SRGAP2B: variants seen among roughly 807,000 people sequenced by gnomAD.
The protein encoded by SRGAP2B is SLIT-ROBO Rho GTPase-activating protein 2B.
A neutral mutation model predicts 22.2 loss-of-function variants in SRGAP2B; 9 were observed. The ratio of observed to expected loss-of-function variants is 0.41; its 90% CI spans 0.24 to 0.71. SRGAP2B has a LOEUF of 0.71. Among genes scored for constraint, SRGAP2B ranks in the 30% least tolerant of loss-of-function variants. The probability of loss-of-function intolerance (pLI) is 0.35; values close to 1 mark genes in which losing one functional copy is unlikely to be tolerated. For synonymous variants in SRGAP2B, 36 were observed against 87.4 expected (o/e 0.41, Z 3.28); for missense variants, 114 against 235.8 (o/e 0.48, Z 3.38).
Position 144,894,014 on chromosome 1 carries a change from C to T in SRGAP2B, c.1054-505G>A, listed in dbSNP as rs1662248662. Among the ~76,000 whole-genome samples, 2 of 145,136 alleles carry T rather than the reference C, an allele frequency of 1.4e-5. 1 individual carries two copies. Among genetic ancestry groups the T allele is most frequent in the African/African-American group, 5.6e-5 (2 of 35,862 alleles). On this transcript the variant is annotated intron_variant, in intron 8 of 9. Transcript: ENST00000612199. ...TTGATTCAATGAGAAAGCGTGAAGC[C>T]AGGAACAAGTTCGTTGCCTATGCTT...
At position 145,076,161 on chromosome 1, in the gene SRGAP2B, A is replaced by G. The variant is rs1365403387; in HGVS notation, c.67+16674T>C. Reference sequence around the variant, plus strand: ...GCAAAACCTACTTTTCTATCTTCTAATGTACAATCTTGCCATTACAAAAAA... The same window carrying G: ...GCAAAACCTACTTTTCTATCTTCTAGTGTACAATCTTGCCATTACAAAAAA... On this transcript the variant is annotated intron_variant, in intron 2 of 9. Coordinates refer to ENST00000612199, the Ensembl canonical transcript of SRGAP2B. 5.3e-5 allele frequency among the ~76,000 whole-genome samples: 8 copies of G among 150,232 alleles called. 1 individual carries two copies. Among genetic ancestry groups the G allele is most frequent in the Admixed American group, 2.0e-4 (3 of 15,118 alleles).
At chr1:145,012,828 T>TAA (rs1462124661) in intron 2 of SRGAP2B, among the ~76,000 whole-genome samples, 3 of 144,672 alleles carry the variant, frequency 2.1e-5, no homozygotes, top group Admixed American at 1.4e-4. Context: ...CTCACACCTG[T>TAA]AATCCCAGTA....
intron 3 of SRGAP2B, among the ~76,000 whole-genome samples, chr1:144,984,235 G>A (rs1417459303): frequency 1.3e-5 from 2 of 149,996 alleles, no homozygotes; most frequent in Non-Finnish European, 2.9e-5. Context: ...CAAGAGAATA[G>A]CTTGAACCTG....
intron 4 of SRGAP2B, among the ~76,000 whole-genome samples, chr1:144,952,109 G>GTGGTA (rs1357702525): frequency 2.5e-5 from 1 of 40,030 alleles, no homozygotes; most frequent in Middle Eastern, 7.4e-3. Flanking sequence ...TCACAGAACA[G>GTGGTA]TGGTATCCTG....
intron 2 of SRGAP2B, among the ~76,000 whole-genome samples, chr1:145,010,591 GTTTTC>G (rs1299647106): frequency 3.4e-5 from 5 of 146,586 alleles, no homozygotes; most frequent in East Asian, 4.0e-4. Flanking sequence ...TTTCATTTCA[GTTTTC>G]TTTTCTTCTG....
At chr1:145,020,636 T>G (rs1451960157) in intron 2 of SRGAP2B, among the ~76,000 whole-genome samples, 1 of 148,160 alleles carries the variant, frequency 6.7e-6, no homozygotes, top group Non-Finnish European at 1.5e-5. Flanking sequence ...TTTATTGTAT[T>G]GACTGAAATA....
At chr1:144,992,339 T>C (rs1374145930) in intron 3 of SRGAP2B, among the ~76,000 whole-genome samples, 2 of 151,086 alleles carry the variant, frequency 1.3e-5, no homozygotes, top group Non-Finnish European at 2.9e-5. Context: ...GGACACAAGA[T>C]GACTTGGAGA....
intron 3 of SRGAP2B, among the ~76,000 whole-genome samples, chr1:144,984,375 A>AAAT (rs1669564626): frequency 2.0e-5 from 3 of 149,108 alleles, no homozygotes; most frequent in Non-Finnish European, 4.4e-5. Context: ...CAAAAAAAAA[A>AAAT]AAACAAAAAA....
At chr1:144,998,657 A>C (rs1286282201) in intron 2 of SRGAP2B, among the ~76,000 whole-genome samples, 1 of 150,914 alleles carries the variant, frequency 6.6e-6, no homozygotes, top group Non-Finnish European at 1.5e-5. Context: ...TGAAGAAGGA[A>C]AAAGAAGAAA....
intron 4 of SRGAP2B, among the ~76,000 whole-genome samples, chr1:144,924,601 G>A (rs1199502695): frequency 6.0e-5 from 9 of 151,254 alleles, no homozygotes; most frequent in East Asian, 1.9e-4. Context: ...GCGTAGTGGC[G>A]GGCGCCTGTA....
rs781960860 is a variant in SRGAP2B at position 144,971,421 on chromosome 1, G to A, written c.261-15820C>T. On this transcript the variant is annotated intron_variant, in intron 3 of 9. Transcript: ENST00000612199. ...GCTGGGATTACAGGTGTGAACCACC[G>A]CACCCGGCCCATACTTTTTTTTTGC... Among the ~76,000 whole-genome samples, 73 of 150,238 alleles carry A rather than the reference G, an allele frequency of 4.9e-4. 1 individual carries two copies. The highest frequency in any genetic ancestry group is 8.0e-4 in the Non-Finnish European group (54 of 67,888).
chr1:145,020,948 C>A (rs1471253203), intron 2 of SRGAP2B, among the ~76,000 whole-genome samples: 1 of 148,724 alleles, frequency 6.7e-6, no homozygotes, highest in Admixed American at 6.6e-5. Flanking sequence ...TACAAGCGTG[C>A]GCCACCATGC....
intron 3 of SRGAP2B, among the ~76,000 whole-genome samples, chr1:144,966,204 T>A (rs1412303893): frequency 6.8e-6 from 1 of 148,032 alleles, no homozygotes; most frequent in Non-Finnish European, 1.5e-5. Context: ...TTCACCAAAG[T>A]TGAAATGAAG....
At chr1:144,984,319 T>TA (rs1290805926) in intron 3 of SRGAP2B, among the ~76,000 whole-genome samples, 19 of 93,220 alleles carry the variant, frequency 2.0e-4, no homozygotes, top group Admixed American at 2.6e-4. Context: ...AAACTCCATC[T>TA]AAAAAAAAAC....
At chr1:144,955,771 A>C in intron 3 of SRGAP2B, among the ~76,000 whole-genome samples, 170 bp from the exon 4 acceptor site, 1 of 140,892 alleles carries the variant, frequency 7.1e-6, no homozygotes, top group Non-Finnish European at 1.5e-5. Context: ...AACTCAGTGG[A>C]GAAAAAAGGA....
intron 2 of SRGAP2B, among the ~76,000 whole-genome samples, chr1:145,045,296 C>CAAA (rs71259136): frequency 2.4e-5 from 1 of 41,956 alleles, no homozygotes; most frequent in Admixed American, 2.9e-4. Flanking sequence ...GACTCCGCCT[C>CAAA]AAAAAAAAAA....
chr1:145,013,670 T>G (rs1553622615), intron 2 of SRGAP2B, among the ~76,000 whole-genome samples: 1 of 146,222 alleles, frequency 6.8e-6, no homozygotes, highest in African/African-American at 2.6e-5. Flanking sequence ...GACCAAGCAA[T>G]AGACTGTGAA....
At chr1:144,991,172 A>G (rs1247141975) in intron 3 of SRGAP2B, among the ~76,000 whole-genome samples, 3 of 150,834 alleles carry the variant, frequency 2.0e-5, no homozygotes, top group African/African-American at 7.4e-5. Context: ...AAATACACCA[A>G]TCAGCACCCT....
At chr1:145,093,682 T>C (rs1489646265) in intron 1 of SRGAP2B, among the ~76,000 whole-genome samples, 1 of 147,496 alleles carries the variant, frequency 6.8e-6, no homozygotes, top group Non-Finnish European at 1.5e-5. Context: ...GGGCGGGAAC[T>C]GCAGGAACGC....
Sources: allele counts gnomAD v4.1 joint callset (sites outside exome capture counted in the v4.1 genomes callset), GRCh38; gene constraint gnomAD v4.1.1; transcripts MANE v1.5; gene names NCBI Gene and HGNC (gene_info 2026-07-23, HGNC 2026-07-21).